Variants in PTPMT1 observed in about 807,000 individuals in gnomAD.
PTPMT1 encodes the protein phosphatidylglycerophosphatase and protein-tyrosine phosphatase 1.
A neutral mutation model predicts 17.8 loss-of-function variants in PTPMT1; 12 were observed. The observed-to-expected ratio is 0.67, with a 90% CI of 0.43 to 1.09. The LOEUF is 1.09. PTPMT1 is among the 50% of genes least tolerant of loss of function. The pLI, the probability that PTPMT1 is intolerant of heterozygous loss-of-function variation, is 0.00. For synonymous variants in PTPMT1, 132 were observed against 116.8 expected, an observed-to-expected ratio of 1.13 and a Z score of -0.84; for missense variants, 262 against 266.0, an observed-to-expected ratio of 0.99 and a Z score of 0.10.
chr11:47,569,831 C>G lies in PTPMT1; in HGVS notation c.387C>G (p.Tyr129Ter), dbSNP rs371645147. 1 of 1,613,998 alleles carries G rather than the reference C, an allele frequency of 6.2e-7. No individual in the cohort carries two copies. The highest frequency in any genetic ancestry group is 8.5e-7 in the Non-Finnish European group (1 of 1,179,994). The change falls in exon 3 of 4, where the codon TAC (tyrosine) becomes TAG (stop). Residue 129 changes from tyrosine (Y) to a stop codon, truncating the protein, a stop_gained. Coordinates refer to ENST00000326674, the MANE Select transcript of PTPMT1 (RefSeq NM_175732.3). LOFTEE classifies it high-confidence loss of function. ...ACCAGTCGCTGGGCCAGTGTGTTTA[C>G]GTGCATTGTAAGGCTGGGCGCTCCA... ...LKYQSLGQCV[Y>*]VHCKAGRSRS...
rs951700962 is a variant in PTPMT1 at position 47,572,318 on chromosome 11, A to G, written c.*689A>G. The stretch of plus-strand genomic sequence containing the variant: ...AAAGTTTCTGCTATTAATCAGAAAT[A>G]ATCATTTCTATTTTCTGGCTTACCC... On this transcript the variant is annotated 3_prime_UTR_variant, in exon 4 of 4. Coordinates refer to ENST00000326674, the MANE Select transcript of PTPMT1 (RefSeq NM_175732.3). 7 of 152,978 alleles carry G rather than the reference A, an allele frequency of 4.6e-5. No homozygotes were observed. Among genetic ancestry groups the G allele is most frequent in the African/African-American group, 1.7e-4 (7 of 41,472 alleles). The allele number at this position is 152,978 out of a possible 1,614,324, so 9.5% of individuals were successfully genotyped here.
intron 2 of PTPMT1, among the ~76,000 whole-genome samples, chr11:47,566,489 CAAAA>C (rs56146877): frequency 8.3e-6 from 1 of 120,546 alleles, no homozygotes; most frequent in African/African-American, 3.1e-5. Context: ...AACAATGTCT[CAAAA>C]AAAAAAAAAA....
Position 47,572,909 on chromosome 11 carries a change from TCTC to T in PTPMT1, c.*1285_*1287del, listed in dbSNP as rs757729488. 1.8e-5 allele frequency: 29 copies of T among 1,597,880 alleles called. No homozygotes were observed. The highest frequency in any genetic ancestry group is 1.7e-4 in the Middle Eastern group (1 of 5,902). On this transcript the variant is annotated 3_prime_UTR_variant, in exon 4 of 4. Transcript: ENST00000326674. The stretch of plus-strand genomic sequence containing the variant: ...TGGGGAGGGAAAAGGAGTGAGCAGT[TCTC>T]CTCCCCTCCCCACAGCCTTAGGCCA...
At position 47,571,498 on chromosome 11, in the gene PTPMT1, G is replaced by A; in HGVS notation, c.475G>A (p.Val159Ile). Residue 159 changes from valine to isoleucine, a missense_variant, in exon 4 of 4, where the codon GTA becomes ATA. Coordinates refer to ENST00000326674, the MANE Select transcript of PTPMT1 (RefSeq NM_175732.3). Reference sequence around the variant, plus strand: ...GCACAAATGGAGTCCAGAGGAGGCTGTAAGAGCCATCGCCAAGATCCGGTC... The same window carrying A: ...GCACAAATGGAGTCCAGAGGAGGCTATAAGAGCCATCGCCAAGATCCGGTC... ...QVHKWSPEEA[V>I]RAIAKIRSYI... 16 of 1,614,026 alleles carry A rather than the reference G, an allele frequency of 9.9e-6. No individual in the cohort carries two copies. Among genetic ancestry groups the A allele is most frequent in the Non-Finnish European group, 1.4e-5 (16 of 1,180,004 alleles).
intron 3 of PTPMT1, 134 bp from the exon 4 acceptor site, chr11:47,571,334 CATG>C (rs1372482749): frequency 1.5e-6 from 1 of 683,528 alleles, no homozygotes; most frequent in East Asian, 2.7e-5. Context: ...ATACAAGCAG[CATG>C]ATTTTTAATG....
Position 47,572,756 on chromosome 11 carries a change from G to T in PTPMT1, c.*1127G>T. Reference sequence around the variant, plus strand: ...GTCAGTTCAAGCAACCAGCTGAGCAGCAGCAGTCTAAAAAGCCCCAAACAG... The same window carrying T: ...GTCAGTTCAAGCAACCAGCTGAGCATCAGCAGTCTAAAAAGCCCCAAACAG... On this transcript the variant is annotated 3_prime_UTR_variant, in exon 4 of 4. Coordinates refer to ENST00000326674, the MANE Select transcript of PTPMT1 (RefSeq NM_175732.3). 1 of 661,830 alleles carries T rather than the reference G, an allele frequency of 1.5e-6. No homozygotes were observed. The highest frequency in any genetic ancestry group is 2.5e-6 in the Non-Finnish European group (1 of 393,980). 41.0% of individuals were successfully genotyped at this position (661,830 alleles called of 1,614,324 possible). A position where few individuals can be genotyped will look rare whatever the true frequency, so the allele number is the denominator to read the frequency against.
chr11:47,573,241 C>A lies in PTPMT1; in HGVS notation c.*1612C>A, dbSNP rs199567761. The A allele has an allele frequency of 1.2e-6, 2 of 1,614,148 alleles. No homozygotes were observed. Among genetic ancestry groups the A allele is most frequent in the Admixed American group, 3.3e-5 (2 of 60,018 alleles). The stretch of plus-strand genomic sequence containing the variant: ...TGCATGCGGCCTGCAAAGGGCAGCA[C>A]ATAGGGCTTCACATGGCATTTGTCT... On this transcript the variant is annotated 3_prime_UTR_variant, in exon 4 of 4. Transcript: ENST00000326674. The surrounding 1 kb of genome is among the most constrained non-coding windows in gnomAD (Gnocchi z 4.1).
rs2097249870 is a variant in PTPMT1 at position 47,571,744 on chromosome 11, G to A, written c.*115G>A. On this transcript the variant is annotated 3_prime_UTR_variant, in exon 4 of 4. Coordinates refer to ENST00000326674, the MANE Select transcript of PTPMT1 (RefSeq NM_175732.3). Reference sequence around the variant, plus strand: ...TGACGTAACAGAAATGTGCCAATAGGTAATAGGTAATTTTTCTTTCTCTGA... The same window carrying A: ...TGACGTAACAGAAATGTGCCAATAGATAATAGGTAATTTTTCTTTCTCTGA... The A allele has an allele frequency of 1.1e-6, 1 of 904,724 alleles. No individual in the cohort carries two copies. The highest frequency in any genetic ancestry group is 1.7e-6 in the Non-Finnish European group (1 of 583,000). The allele number at this position is 904,724 out of a possible 1,614,324, so 56.0% of individuals were successfully genotyped here. A position where few individuals can be genotyped will look rare whatever the true frequency, so the allele number is the denominator to read the frequency against.
chr11:47,573,108 CAGGCCTCAGGAAGGCAA>C lies in PTPMT1; in HGVS notation c.*1482_*1498del, dbSNP rs781565952. 1 of 1,614,200 alleles carries C rather than the reference CAGGCCTCAGGAAGGCAA, an allele frequency of 6.2e-7. No individual in the cohort carries two copies. The highest frequency in any genetic ancestry group is 1.1e-5 in the South Asian group (1 of 91,088). On this transcript the variant is annotated 3_prime_UTR_variant, in exon 4 of 4. Coordinates refer to ENST00000326674, the MANE Select transcript of PTPMT1 (RefSeq NM_175732.3). This position sits in a 1 kb window ranked among gnomAD's most constrained non-coding sequence, Gnocchi z 4.1. ...CTTCCAGAGGGATGGGGCAGAGCTCCAGGCCTCAGGAAGGCAAAGCCGGGTGAAGCTGTCTAGCAAGG... is the reference window on the plus strand; with the variant it reads ...CTTCCAGAGGGATGGGGCAGAGCTCCAGCCGGGTGAAGCTGTCTAGCAAGG...
At position 47,571,643 on chromosome 11, in the gene PTPMT1, G is replaced by A; in HGVS notation, c.*14G>A. 6.2e-7 allele frequency: 1 copy of A among 1,613,552 alleles called. No homozygotes were observed. The highest frequency in any genetic ancestry group is 8.5e-7 in the Non-Finnish European group (1 of 1,179,648). The stretch of plus-strand genomic sequence containing the variant: ...TCAAAGACATGATGTATGGGGATTA[G>A]AAAGAACTCAAGACACTCCTGCTTG... On this transcript the variant is annotated 3_prime_UTR_variant, in exon 4 of 4. Coordinates refer to ENST00000326674, the MANE Select transcript of PTPMT1 (RefSeq NM_175732.3).
chr11:47,570,646 G>A (rs1436541033), intron 3 of PTPMT1, among the ~76,000 whole-genome samples: 1 of 152,086 alleles, frequency 6.6e-6, no homozygotes, highest in African/African-American at 2.4e-5. Context: ...GTAAAGTTCT[G>A]GATATTAGTT....
chr11:47,573,195 A>G lies in PTPMT1; in HGVS notation c.*1566A>G, dbSNP rs745888062. 6.2e-7 allele frequency: 1 copy of G among 1,614,198 alleles called. No homozygotes were observed. Among genetic ancestry groups the G allele is most frequent in the Non-Finnish European group, 8.5e-7 (1 of 1,180,030 alleles). ...GTCCCCTTCAGCCACGATGAACACC[A>G]GATCTTTATGCACAGCTGCGTGCAT... On this transcript the variant is annotated 3_prime_UTR_variant, in exon 4 of 4. Transcript: ENST00000326674. This position sits in a 1 kb window ranked among gnomAD's most constrained non-coding sequence, Gnocchi z 4.1.
At position 47,571,815 on chromosome 11, in the gene PTPMT1, A is replaced by G. The variant is rs973751875; in HGVS notation, c.*186A>G. 6.7e-6 allele frequency: 4 copies of G among 593,788 alleles called. No individual in the cohort carries two copies. The African/African-American group carries it at 7.5e-5, about 11-fold the overall frequency. The allele number at this position is 593,788 out of a possible 1,614,324, so 36.8% of individuals were successfully genotyped here. Reference sequence around the variant, plus strand: ...TAACACTGTTGTGTGGCTAGAAAGGAAAAGATTTAGTGTGGCTTGTATTCA... The same window carrying G: ...TAACACTGTTGTGTGGCTAGAAAGGGAAAGATTTAGTGTGGCTTGTATTCA... On this transcript the variant is annotated 3_prime_UTR_variant, in exon 4 of 4. Coordinates refer to ENST00000326674, the MANE Select transcript of PTPMT1 (RefSeq NM_175732.3).
rs1182913109 is a variant in PTPMT1, at chr11:47,569,835, CA to C, written c.392del (p.His131LeufsTer17). ...YQSLGQCVYV[H>X]CKAGRSRSAT... ...GTCGCTGGGCCAGTGTGTTTACGTG[CA>C]TTGTAAGGCTGGGCGCTCCAGGAGT... is the stretch of plus-strand genomic sequence containing the variant. On this transcript the variant is annotated frameshift_variant, in exon 3 of 4. Transcript: ENST00000326674. LOFTEE classifies it high-confidence loss of function. The C allele has an allele frequency of 6.2e-7, 1 of 1,613,984 alleles. No homozygotes were observed. The highest frequency in any genetic ancestry group is 1.7e-5 in the Admixed American group (1 of 60,012).
chr11:47,566,008 C>A, intron 2 of PTPMT1, 22 bp downstream of exon 2: 1 of 1,453,398 alleles, frequency 6.9e-7, no homozygotes, highest in South Asian at 1.3e-5. Flanking sequence ...GGCCGAGGGG[C>A]AGGCTCGGGG....
rs768296407 is a variant in PTPMT1 at position 47,571,461 on chromosome 11, T to C, written c.448-10T>C. 4 of 1,613,426 alleles carry C rather than the reference T, an allele frequency of 2.5e-6. No individual in the cohort carries two copies. The highest frequency in any genetic ancestry group is 3.3e-5 in the Admixed American group (2 of 59,900). ...TCTTTCTCTGCTGATTTCCCAACCC[T>C]GTACTTCAGGTGCACAAATGGAGTC... is the stretch of plus-strand genomic sequence containing the variant. On this transcript the variant is annotated splice_polypyrimidine_tract_variant and intron_variant, in intron 3 of 3. Coordinates refer to ENST00000326674, the MANE Select transcript of PTPMT1 (RefSeq NM_175732.3).
At chr11:47,567,273 GC>G in intron 2 of PTPMT1, among the ~76,000 whole-genome samples, 1 of 151,896 alleles carries the variant, frequency 6.6e-6, no homozygotes, top group East Asian at 2.0e-4. Context: ...GGGCGTGGTG[GC>G]AGGCGCCTGT....
At position 47,571,809 on chromosome 11, in the gene PTPMT1, G is replaced by C; in HGVS notation, c.*180G>C. The C allele has an allele frequency of 1.7e-6, 1 of 600,672 alleles. No individual in the cohort carries two copies. The allele number at this position is 600,672 out of a possible 1,614,324, so 37.2% of individuals were successfully genotyped here. A position where few individuals can be genotyped will look rare whatever the true frequency, so the allele number is the denominator to read the frequency against. ...TTGAAATAACACTGTTGTGTGGCTA[G>C]AAAGGAAAAGATTTAGTGTGGCTTG... On this transcript the variant is annotated 3_prime_UTR_variant, in exon 4 of 4. Coordinates refer to ENST00000326674, the MANE Select transcript of PTPMT1 (RefSeq NM_175732.3).
rs879466247 is a variant in PTPMT1, at chr11:47,565,757, G to C, written c.135G>C (p.Val45=). 1.3e-6 allele frequency: 2 copies of C among 1,594,468 alleles called. No individual in the cohort carries two copies. Among genetic ancestry groups the C allele is most frequent in the Non-Finnish European group, 1.7e-6 (2 of 1,171,944 alleles). Reference sequence around the variant, plus strand: ...GGTACCACCGCATCGACCCCACCGTGCTGCTGGGCGCGCTGCCGTTGCGGA... The same window carrying C: ...GGTACCACCGCATCGACCCCACCGTCCTGCTGGGCGCGCTGCCGTTGCGGA... ...RDWYHRIDPT[V]LLGALPLRSL... is the part of the protein sequence containing the mutation. The change falls in exon 1 of 4, where the codon GTG becomes GTC. Residue 45 remains valine (V), a synonymous_variant. Transcript: ENST00000326674.
Sources: allele counts gnomAD v4.1 joint callset (sites outside exome capture counted in the v4.1 genomes callset), GRCh38; gene constraint gnomAD v4.1.1; non-coding constraint Gnocchi (gnomAD v3.1); transcripts MANE v1.5; gene names NCBI Gene and HGNC (gene_info 2026-07-23, HGNC 2026-07-21).